Variants in EBF1 observed in about 807,000 individuals in gnomAD.
EBF1 encodes EBF transcription factor 1, also known as transcription factor COE1.
In EBF1, 10 loss-of-function variants were observed where a neutral mutation model predicts 68.4. The observed-to-expected ratio is 0.15, with a 90% CI of 0.09 to 0.25. The LOEUF is 0.25. EBF1 is among the 10% of genes least tolerant of loss of function. The probability of loss-of-function intolerance (pLI) is 1.00; values close to 1 mark genes in which losing one functional copy is unlikely to be tolerated. For synonymous variants in EBF1, 298 were observed against 299.8 expected (o/e 0.99, Z 0.06); for missense variants, 509 against 794.4 (o/e 0.64, Z 4.32).
At chr5:158,873,710 G>T (rs1242717965) in intron 6 of EBF1, among the ~76,000 whole-genome samples, 1 of 152,146 alleles carries the variant, frequency 6.6e-6, no homozygotes, top group Non-Finnish European at 1.5e-5. Context: ...ATGTGAGGGA[G>T]GTGTTAAAGA....
At position 158,993,926 on chromosome 5, in the gene EBF1, T is replaced by C. The variant is rs541172326; in HGVS notation, c.554+79470A>G. Among the ~76,000 whole-genome samples the C allele has an allele frequency of 2.6e-5, 4 of 152,296 alleles. No homozygotes were observed. In the East Asian group the frequency reaches 7.7e-4, roughly 29 times the overall value. On this transcript the variant is annotated intron_variant, in intron 6 of 15. Coordinates refer to ENST00000313708, the MANE Select transcript of EBF1 (RefSeq NM_024007.5). The stretch of plus-strand genomic sequence containing the variant: ...AGTCAAAATGTAAGTCTGTCCTAGG[T>C]AAATAGGCAGGCAGACAAGGAATTT...
chr5:158,730,639 T>C (rs1763910629), intron 11 of EBF1, among the ~76,000 whole-genome samples: 1 of 152,246 alleles, frequency 6.6e-6, no homozygotes. Context: ...CGGATCCTCG[T>C]AGACAGAAAT....
chr5:158,927,759 C>G (rs1354494924), intron 6 of EBF1, among the ~76,000 whole-genome samples: 1 of 152,198 alleles, frequency 6.6e-6, no homozygotes, highest in Admixed American at 6.5e-5. Flanking sequence ...TATCAATTAT[C>G]TTTGCTATCA....
intron 9 of EBF1, among the ~76,000 whole-genome samples, chr5:158,793,633 G>T (rs114757625): frequency 6.6e-6 from 1 of 151,978 alleles, no homozygotes; most frequent in Non-Finnish European, 1.5e-5. Context: ...GTGTAACCTT[G>T]GGCAAGCTTT....
At chr5:158,875,409 T>C (rs1232877085) in intron 6 of EBF1, among the ~76,000 whole-genome samples, 2 of 152,226 alleles carry the variant, frequency 1.3e-5, no homozygotes, top group Non-Finnish European at 1.5e-5. Context: ...TGTCACTTCA[T>C]GACTCAAGCA....
intron 8 of EBF1, among the ~76,000 whole-genome samples, chr5:158,819,851 C>T (rs950459208): frequency 2.6e-5 from 4 of 152,096 alleles, no homozygotes; most frequent in Admixed American, 6.6e-5. Context: ...AGAGAAAGTA[C>T]GGGGGAAGAC....
At chr5:158,987,299 T>G (rs1242133625) in intron 6 of EBF1, 2 of 152,220 alleles carry the variant, frequency 1.3e-5, no homozygotes, top group African/African-American at 4.8e-5. Context: ...GCATAGTGTC[T>G]GGAGTATAAT....
rs1554094009 is a variant in EBF1, at chr5:158,969,920, A to AAAGAAAG, written c.554+103475_554+103476insCTTTCTT. Among the ~76,000 whole-genome samples, 625 of 68,182 alleles carry AAAGAAAG rather than the reference A, an allele frequency of 9.2e-3. 9 individuals are homozygous for AAAGAAAG. Among genetic ancestry groups the AAAGAAAG allele is most frequent in the South Asian group, 0.018 (27 of 1,512 alleles). The allele number at this position is 68,182 out of a possible 152,430, so 44.7% of individuals were successfully genotyped here. On this transcript the variant is annotated intron_variant, in intron 6 of 15. Transcript: ENST00000313708. The stretch of plus-strand genomic sequence containing the variant: ...AGAAAGAAAGAAAGAAAGAAAGAAA[A>AAAGAAAG]AAAAAAAAAAGGCTGCTGGAAGTTT...
intron 10 of EBF1, among the ~76,000 whole-genome samples, chr5:158,765,744 A>T (rs17056186): frequency 0.067 from 10,112 of 151,998 alleles, 453 homozygotes; most frequent in Non-Finnish European, 0.089. Flanking sequence ...CTGCAGAAAA[A>T]CTCAGGCCTG....
chr5:158,767,102 T>C (rs1581704395), intron 10 of EBF1, among the ~76,000 whole-genome samples: 1 of 152,170 alleles, frequency 6.6e-6, no homozygotes, highest in South Asian at 2.1e-4. Flanking sequence ...AGCCATGTGA[T>C]AAATAGTTCA....
rs574018286 is a variant in EBF1, at chr5:158,937,313, G to A, written c.555-97203C>T. ...AAAATATTAATAAATAATATAGTTA[G>A]GAAGCCTCGGATTCATTCTGGGCCC... On this transcript the variant is annotated intron_variant, in intron 6 of 15. Coordinates refer to ENST00000313708, the MANE Select transcript of EBF1 (RefSeq NM_024007.5). Among the ~76,000 whole-genome samples the A allele has an allele frequency of 9.2e-5, 14 of 152,170 alleles. No homozygotes were observed. In the South Asian group the frequency reaches 2.7e-3, roughly 29 times the overall value.
intron 6 of EBF1, among the ~76,000 whole-genome samples, chr5:158,926,446 C>A (rs1414504742): frequency 6.6e-6 from 1 of 152,278 alleles, no homozygotes; most frequent in South Asian, 2.1e-4. Flanking sequence ...ATCTTATTGG[C>A]CGGGCGCAGT....
At chr5:158,825,536 C>A (rs1403547006) in intron 7 of EBF1, among the ~76,000 whole-genome samples, 2 of 150,166 alleles carry the variant, frequency 1.3e-5, no homozygotes, top group African/African-American at 4.9e-5. Context: ...CTGTAAGACA[C>A]AAGCTCTACA....
intron 11 of EBF1, among the ~76,000 whole-genome samples, chr5:158,723,129 G>T (rs1762282235): frequency 1.3e-5 from 2 of 152,274 alleles, no homozygotes; most frequent in South Asian, 4.1e-4. Context: ...GGGAAAGCAT[G>T]GTACCCAGGG....
chr5:158,708,454 A>T (rs1051002341), intron 14 of EBF1, among the ~76,000 whole-genome samples: 1 of 152,222 alleles, frequency 6.6e-6, no homozygotes, highest in Non-Finnish European at 1.5e-5. Context: ...AATTGTCATT[A>T]AGGGAAAATG....
At chr5:159,059,529 T>C (rs959849121) in intron 6 of EBF1, among the ~76,000 whole-genome samples, 5 of 152,252 alleles carry the variant, frequency 3.3e-5, no homozygotes, top group Non-Finnish European at 7.3e-5. Context: ...CTCTGCTGTA[T>C]ATAAGAAATT....
intron 6 of EBF1, among the ~76,000 whole-genome samples, chr5:158,975,372 C>T (rs900083695): frequency 1.3e-5 from 2 of 152,144 alleles, no homozygotes; most frequent in Non-Finnish European, 2.9e-5. Context: ...TTCTGGTTCA[C>T]AGGGAAAAAA....
chr5:158,783,487 T>A (rs555219119), intron 9 of EBF1, among the ~76,000 whole-genome samples: 1 of 152,222 alleles, frequency 6.6e-6, no homozygotes, highest in Non-Finnish European at 1.5e-5. Context: ...TAATACTATA[T>A]TCATAAGAAA....
chr5:158,920,301 A>G (rs1334975112), intron 6 of EBF1, among the ~76,000 whole-genome samples: 1 of 152,194 alleles, frequency 6.6e-6, no homozygotes, highest in Non-Finnish European at 1.5e-5. Flanking sequence ...TAAATAACCA[A>G]ACTGAGATCC....
Sources: allele counts gnomAD v4.1 joint callset (sites outside exome capture counted in the v4.1 genomes callset), GRCh38; gene constraint gnomAD v4.1.1; transcripts MANE v1.5; gene names NCBI Gene and HGNC (gene_info 2026-07-23, HGNC 2026-07-21).